Variants in CYP7B1 observed in about 807,000 individuals in gnomAD.
CYP7B1 encodes cytochrome P450 family 7 subfamily B member 1.
CYP7B1 carries 29 observed loss-of-function variants against 42.7 expected under a neutral mutation model. The observed-to-expected ratio is 0.68, with a 90% CI of 0.51 to 0.93. CYP7B1 has a LOEUF of 0.93. Ranked by LOEUF, CYP7B1 falls within the 40% of genes least tolerant of loss-of-function variation. The pLI is 0.00. For missense variants in CYP7B1, 655 were observed against 600.5 expected (o/e 1.09, Z -0.95); for synonymous variants, 235 against 218.2 (o/e 1.08, Z -0.68).
chr8:64,616,278 T>G lies in CYP7B1; in HGVS notation c.263A>C (p.Lys88Thr). The change falls in exon 3 of 6, where the codon AAG becomes ACG. Residue 88 changes from lysine (K) to threonine (T), a missense_variant. Physicochemically the swap from Lys to Thr is moderately conservative, Grantham distance 78 (BLOSUM62 -1). Coordinates refer to ENST00000310193, the MANE Select transcript of CYP7B1 (RefSeq NM_004820.5). ...GDTFTVLLGG[K>T]YITFILDPFQ... Reference sequence around the variant, plus strand: ...GGGGTCCAGGATAAATGTTATGTACTTTCCTAGAAAAAAAAAAAGAGAGAG... The same window carrying G: ...GGGGTCCAGGATAAATGTTATGTACGTTCCTAGAAAAAAAAAAAGAGAGAG... 1 of 1,569,388 alleles carries G rather than the reference T, an allele frequency of 6.4e-7. No individual in the cohort carries two copies. The highest frequency in any genetic ancestry group is 8.7e-7 in the Non-Finnish European group (1 of 1,150,696).
chr8:64,788,056 A>G (rs1185882496), intron 1 of CYP7B1, among the ~76,000 whole-genome samples: 7 of 152,214 alleles, frequency 4.6e-5, no homozygotes, highest in Admixed American at 4.6e-4. Context: ...ACACATGGGG[A>G]TTATGGGAAC....
intron 5 of CYP7B1, among the ~76,000 whole-genome samples, chr8:64,599,199 T>G (rs757256842): frequency 1.3e-5 from 2 of 152,138 alleles, no homozygotes; most frequent in Non-Finnish European, 2.9e-5. Flanking sequence ...TCTTTTCTTT[T>G]TTTTTTGGAG....
intron 5 of CYP7B1, among the ~76,000 whole-genome samples, chr8:64,598,468 C>T (rs1295742916): frequency 6.6e-6 from 1 of 152,134 alleles, no homozygotes; most frequent in Non-Finnish European, 1.5e-5. Context: ...TCTACCTAAC[C>T]CAAATCAGTC....
intron 1 of CYP7B1, among the ~76,000 whole-genome samples, chr8:64,715,176 G>C (rs1807136156): frequency 6.6e-6 from 1 of 152,134 alleles, no homozygotes; most frequent in Non-Finnish European, 1.5e-5. Flanking sequence ...GTTAAAGTGG[G>C]CATCTTACTA....
chr8:64,791,183 C>T (rs915706182), intron 1 of CYP7B1, among the ~76,000 whole-genome samples: 1 of 152,164 alleles, frequency 6.6e-6, no homozygotes, highest in East Asian at 1.9e-4. Context: ...ATTGTTTAGA[C>T]CACTCAGTTT....
At position 64,744,051 on chromosome 8, in the gene CYP7B1, T is replaced by C. The variant is rs774226102; in HGVS notation, c.122+54415A>G. Among the ~76,000 whole-genome samples, 6 of 152,282 alleles carry C rather than the reference T, an allele frequency of 3.9e-5. No individual in the cohort carries two copies. The East Asian group carries it at 7.7e-4, about 20-fold the overall frequency. ...GATAAGCATGAGAATTTTGGCCAAATGTTTATTCATTCTAGGAAAATAACC... is the reference window on the plus strand; with the variant it reads ...GATAAGCATGAGAATTTTGGCCAAACGTTTATTCATTCTAGGAAAATAACC... On this transcript the variant is annotated intron_variant, in intron 1 of 5. Transcript: ENST00000310193.
At chr8:64,651,834 G>A (rs991303331) in intron 1 of CYP7B1, among the ~76,000 whole-genome samples, 3 of 152,150 alleles carry the variant, frequency 2.0e-5, no homozygotes, top group African/African-American at 7.2e-5. Context: ...ATAAATTTGT[G>A]GCTTATAAGT....
chr8:64,760,975 T>C (rs1169086045), intron 1 of CYP7B1, among the ~76,000 whole-genome samples: 1 of 152,088 alleles, frequency 6.6e-6, no homozygotes, highest in Non-Finnish European at 1.5e-5. Context: ...GATGAACAGA[T>C]AAAGAAATTA....
chr8:64,665,722 A>C (rs561008270), intron 1 of CYP7B1, among the ~76,000 whole-genome samples: 29 of 151,854 alleles, frequency 1.9e-4, no homozygotes, highest in African/African-American at 7.0e-4. Flanking sequence ...GATTACAGGC[A>C]TGTGCCACCA....
At chr8:64,780,616 T>C (rs1352244382) in intron 1 of CYP7B1, among the ~76,000 whole-genome samples, 1 of 152,186 alleles carries the variant, frequency 6.6e-6, no homozygotes, top group Non-Finnish European at 1.5e-5. Context: ...CATGATATAA[T>C]AGATGTCACC....
intron 1 of CYP7B1, among the ~76,000 whole-genome samples, chr8:64,648,771 C>T (rs1585831083): frequency 6.6e-6 from 1 of 152,110 alleles, no homozygotes; most frequent in East Asian, 1.9e-4. Context: ...ATATTTAATT[C>T]CATAAAATGC....
chr8:64,720,145 A>T (rs1420960158), intron 1 of CYP7B1, among the ~76,000 whole-genome samples: 1 of 152,176 alleles, frequency 6.6e-6, no homozygotes, highest in Non-Finnish European at 1.5e-5. Flanking sequence ...ATAGCTAAGG[A>T]TTTTTTAATG....
chr8:64,615,105 C>A lies in CYP7B1; in HGVS notation c.978G>T (p.Leu326=), dbSNP rs917696140. Residue 326 remains leucine (L), a synonymous_variant, in exon 4 of 6, where the codon CTG becomes CTT. Coordinates refer to ENST00000310193, the MANE Select transcript of CYP7B1 (RefSeq NM_004820.5). ...ACCCTTTCTTTTGACCTGTTGACTG[C>A]AGCAAACGGTCAATTTCGTCACGCA... ...AAVRDEIDRL[L]QSTGQKKGSG... 1.2e-6 allele frequency: 2 copies of A among 1,613,586 alleles called. No homozygotes were observed. The highest frequency in any genetic ancestry group is 1.7e-6 in the Non-Finnish European group (2 of 1,179,806).
At chr8:64,773,574 C>T (rs1324695139) in intron 1 of CYP7B1, among the ~76,000 whole-genome samples, 1 of 152,206 alleles carries the variant, frequency 6.6e-6, no homozygotes, top group Non-Finnish European at 1.5e-5. Context: ...ATTCTGTTAG[C>T]CCCAAACCTC....
intron 1 of CYP7B1, among the ~76,000 whole-genome samples, chr8:64,641,490 T>C (rs545560535): frequency 6.6e-6 from 1 of 152,258 alleles, no homozygotes; most frequent in East Asian, 1.9e-4. Flanking sequence ...GAGACAAGGG[T>C]ACCAAAAGTT....
intron 1 of CYP7B1, among the ~76,000 whole-genome samples, chr8:64,743,884 T>A (rs1317709144): frequency 1.3e-5 from 2 of 152,214 alleles, no homozygotes; most frequent in Non-Finnish European, 2.9e-5. Flanking sequence ...AAATTTAACA[T>A]CCCCATGAGC....
chr8:64,706,972 C>T (rs1807009171), intron 1 of CYP7B1, among the ~76,000 whole-genome samples: 1 of 152,012 alleles, frequency 6.6e-6, no homozygotes, highest in South Asian at 2.1e-4. Context: ...AATTCATCCA[C>T]TTAATACCAT....
At chr8:64,659,152 T>C (rs1806163959) in intron 1 of CYP7B1, among the ~76,000 whole-genome samples, 1 of 152,224 alleles carries the variant, frequency 6.6e-6, no homozygotes, top group Non-Finnish European at 1.5e-5. Context: ...AAATTTGAAC[T>C]GTGTTTTTGG....
In CYP7B1 at chr8:64,595,189, C is replaced by A. The variant is rs536649510; in HGVS notation, c.*1453G>T. The stretch of plus-strand genomic sequence containing the variant: ...AAGAAGGAGAGTAAAAATAAAGACA[C>A]CCTAAATCAAGCAAAAATAGAATTT... On this transcript the variant is annotated 3_prime_UTR_variant, in exon 6 of 6. Coordinates refer to ENST00000310193, the MANE Select transcript of CYP7B1 (RefSeq NM_004820.5). 5.3e-5 allele frequency among the ~76,000 whole-genome samples: 8 copies of A among 152,252 alleles called. No homozygotes were observed. The highest frequency in any genetic ancestry group is 1.9e-4 in the African/African-American group (8 of 41,544).
Sources: gnomAD v4.1 joint callset for allele counts (sites outside exome capture counted in the v4.1 genomes callset) on GRCh38, gnomAD v4.1.1 for gene constraint, MANE v1.5 for transcripts, NCBI Gene and HGNC (gene_info 2026-07-23, HGNC 2026-07-21) for gene names.